CDH18: variants seen among roughly 807,000 people sequenced by gnomAD.
CDH18 encodes the protein cadherin 18, also known as cadherin-18.
Under a neutral mutation model 67.9 loss-of-function variants are expected in CDH18, and 31 were observed. The observed-to-expected ratio is 0.46, with a 90% CI of 0.34 to 0.62. CDH18 has a LOEUF of 0.62. Ranked by LOEUF, CDH18 falls within the 20% of genes least tolerant of loss-of-function variation. CDH18 has a pLI of 0.01. For synonymous variants in CDH18, 362 were observed against 347.2 expected (o/e 1.04, Z -0.48); for missense variants, 890 against 975.5 (o/e 0.91, Z 1.17).
chr5:20,376,166 T>G (rs1360239166), intron 1 of CDH18, among the ~76,000 whole-genome samples: 4 of 136,120 alleles, frequency 2.9e-5, no homozygotes, highest in South Asian at 2.6e-4. Flanking sequence ...CGATCTCGGC[T>G]CACTGCAGGC....
chr5:20,543,091 CT>C (rs1757144181), intron 1 of CDH18, among the ~76,000 whole-genome samples: 1 of 151,856 alleles, frequency 6.6e-6, no homozygotes, highest in Non-Finnish European at 1.5e-5. Context: ...GGCTTAACCT[CT>C]TTTGATAATT....
intron 5 of CDH18, among the ~76,000 whole-genome samples, chr5:19,635,163 G>A (rs1314178347): frequency 6.6e-6 from 1 of 152,114 alleles, no homozygotes; most frequent in Non-Finnish European, 1.5e-5. Context: ...AGTGCTTAGT[G>A]ATTTTCCTCT....
chr5:20,112,754 T>C (rs948227081), intron 2 of CDH18, among the ~76,000 whole-genome samples: 2 of 152,194 alleles, frequency 1.3e-5, no homozygotes, highest in Non-Finnish European at 2.9e-5. Context: ...TCATTCTCCA[T>C]AATGCTCATT....
intron 2 of CDH18, among the ~76,000 whole-genome samples, chr5:20,224,581 A>T (rs945629098): frequency 6.6e-6 from 1 of 151,480 alleles, no homozygotes; most frequent in African/African-American, 2.4e-5. Flanking sequence ...ATACTGGATA[A>T]GCTCTCATTA....
chr5:20,468,691 C>T (rs1358859735), intron 1 of CDH18, among the ~76,000 whole-genome samples: 1 of 152,144 alleles, frequency 6.6e-6, no homozygotes, highest in Non-Finnish European at 1.5e-5. Flanking sequence ...AGAATACTGG[C>T]TTTTCAAACT....
At chr5:19,782,315 G>A (rs1333935626) in intron 3 of CDH18, among the ~76,000 whole-genome samples, 1 of 152,044 alleles carries the variant, frequency 6.6e-6, no homozygotes, top group Non-Finnish European at 1.5e-5. Flanking sequence ...TTATCATGAG[G>A]GGAGCATGGG....
chr5:20,334,753 TACACACACACACACACAC>T (rs35282241), intron 1 of CDH18, among the ~76,000 whole-genome samples: 10 of 138,348 alleles, frequency 7.2e-5, no homozygotes, highest in African/African-American at 2.1e-4. Flanking sequence ...CTCTCTCTCA[TACACACACACACACACAC>T]ACACACACAC....
At chr5:19,994,637 T>C (rs1735741222) in intron 2 of CDH18, among the ~76,000 whole-genome samples, 1 of 141,066 alleles carries the variant, frequency 7.1e-6, no homozygotes. Context: ...AGTTCCTCAC[T>C]ACCCTCTAGC....
chr5:19,766,410 C>G (rs1164009719), intron 3 of CDH18, among the ~76,000 whole-genome samples: 5 of 152,130 alleles, frequency 3.3e-5, no homozygotes, highest in Non-Finnish European at 2.9e-5. Flanking sequence ...AAATCCACCC[C>G]TTCTCTCCAT....
intron 2 of CDH18, among the ~76,000 whole-genome samples, chr5:20,159,355 AGAG>A (rs1279011622): frequency 3.3e-5 from 5 of 152,146 alleles, no homozygotes; most frequent in African/African-American, 1.2e-4. Context: ...CCTACCAATA[AGAG>A]GAGAAGTTGT....
chr5:19,836,277 C>T (rs1394242333), intron 3 of CDH18, among the ~76,000 whole-genome samples: 1 of 152,146 alleles, frequency 6.6e-6, no homozygotes, highest in Non-Finnish European at 1.5e-5. Flanking sequence ...AATTTACACT[C>T]CCACCAACAG....
intron 1 of CDH18, among the ~76,000 whole-genome samples, chr5:20,310,394 A>G (rs1387334029): frequency 1.3e-5 from 2 of 152,188 alleles, no homozygotes; most frequent in Admixed American, 1.3e-4. Flanking sequence ...ACTAGTTTGT[A>G]ATCCACATTT....
intron 3 of CDH18, among the ~76,000 whole-genome samples, chr5:19,794,926 A>G (rs924316262): frequency 7.2e-5 from 11 of 152,198 alleles, no homozygotes; most frequent in Admixed American, 6.5e-4. Flanking sequence ...TGAAAAAGGC[A>G]TGCTTGTTTG....
At chr5:19,910,931 T>C (rs1168140948) in intron 2 of CDH18, among the ~76,000 whole-genome samples, 1 of 152,134 alleles carries the variant, frequency 6.6e-6, no homozygotes, top group African/African-American at 2.4e-5. Flanking sequence ...GGGGAAGGCA[T>C]TGACTCTGAA....
intron 1 of CDH18, among the ~76,000 whole-genome samples, chr5:20,474,233 G>A (rs1180188960): frequency 6.6e-6 from 1 of 152,022 alleles, no homozygotes; most frequent in African/African-American, 2.4e-5. Context: ...CCGAGATCCC[G>A]CCACTGCACC....
At chr5:20,270,536 G>C (rs1484744727) in intron 1 of CDH18, among the ~76,000 whole-genome samples, 1 of 152,128 alleles carries the variant, frequency 6.6e-6, no homozygotes, top group African/African-American at 2.4e-5. Context: ...CTGTTGGTGG[G>C]AGTGTAAATT....
At chr5:19,615,008 G>A (rs936894094) in intron 5 of CDH18, among the ~76,000 whole-genome samples, 18 of 151,982 alleles carry the variant, frequency 1.2e-4, no homozygotes, top group African/African-American at 2.4e-4. Flanking sequence ...TTAGCTGGGC[G>A]TGGTGGCACG....
intron 1 of CDH18, among the ~76,000 whole-genome samples, chr5:20,567,645 TC>T (rs1427575679): frequency 2.0e-5 from 3 of 152,196 alleles, no homozygotes; most frequent in East Asian, 1.9e-4. Flanking sequence ...TGCTTTTTTT[TC>T]ATCCTGCTTT....
chr5:19,483,673 A>G, intron 11 of CDH18, 121 bp from the exon 12 acceptor site: 1 of 1,040,002 alleles, frequency 9.6e-7, no homozygotes, highest in South Asian at 1.8e-5. Flanking sequence ...GAAATGGACA[A>G]GGGAACACGA....
Sources: gnomAD v4.1 joint callset for allele counts (sites outside exome capture counted in the v4.1 genomes callset) on GRCh38, gnomAD v4.1.1 for gene constraint, MANE v1.5 for transcripts, NCBI Gene and HGNC (gene_info 2026-07-23, HGNC 2026-07-21) for gene names.